The following PHF21B variants were observed in gnomAD, a reference collection of about 807,000 sequenced individuals.
The protein encoded by PHF21B is PHD finger protein 21B.
PHF21B carries 22 observed loss-of-function variants against 62.2 expected under a neutral mutation model. The observed-to-expected ratio is 0.35, with a 90% confidence interval of 0.25 to 0.51. The LOEUF (loss-of-function observed/expected upper bound fraction) is 0.51, where lower values mean the gene tolerates loss of function less well. Among genes scored for constraint, PHF21B ranks in the 20% least tolerant of loss-of-function variants. The probability of loss-of-function intolerance (pLI) is 0.97; values close to 1 mark genes in which losing one functional copy is unlikely to be tolerated. For missense variants in PHF21B, 701 were observed against 707.9 expected (o/e 0.99, Z 0.11); for synonymous variants, 341 against 314.7 (o/e 1.08, Z -0.88).
chr22:44,935,683 G>A (rs1299507666), intron 2 of PHF21B, among the ~76,000 whole-genome samples: 2 of 152,094 alleles, frequency 1.3e-5, no homozygotes, highest in African/African-American at 2.4e-5. Flanking sequence ...GAGGCCCCAA[G>A]AAACTGGCAG....
chr22:44,904,292 T>G (rs2071211592), intron 5 of PHF21B, among the ~76,000 whole-genome samples: 1 of 152,232 alleles, frequency 6.6e-6, no homozygotes, highest in African/African-American at 2.4e-5. Flanking sequence ...AAACTGGATT[T>G]TTTTTTTCAG....
intron 2 of PHF21B, among the ~76,000 whole-genome samples, chr22:45,007,057 C>T (rs1274327980): frequency 6.6e-5 from 10 of 151,710 alleles, no homozygotes; most frequent in Non-Finnish European, 1.3e-4. Context: ...CCCCCTCCGG[C>T]GGGAATGGAA....
chr22:44,913,687 C>T (rs1048569518), intron 5 of PHF21B, 135 bp downstream of exon 5: 238 of 1,303,242 alleles, frequency 1.8e-4, no homozygotes, highest in Non-Finnish European at 2.2e-4. Context: ...TCCTGGTCGC[C>T]GACTGCACAG....
intron 2 of PHF21B, among the ~76,000 whole-genome samples, chr22:44,998,471 C>G (rs1196901797): frequency 6.6e-6 from 1 of 152,188 alleles, no homozygotes; most frequent in African/African-American, 2.4e-5. Flanking sequence ...CAATTCCCAA[C>G]CCCGACCGGG....
intron 2 of PHF21B, among the ~76,000 whole-genome samples, chr22:44,969,583 T>C (rs1028569807): frequency 2.0e-5 from 3 of 152,064 alleles, no homozygotes; most frequent in Non-Finnish European, 4.4e-5. Flanking sequence ...TGAGAATCAC[T>C]TGAACCTGGG....
intron 2 of PHF21B, among the ~76,000 whole-genome samples, chr22:44,944,801 C>T (rs1033395541): frequency 5.9e-5 from 8 of 136,334 alleles, no homozygotes; most frequent in Non-Finnish European, 1.3e-4. Flanking sequence ...ACCCTTTGCC[C>T]AGCCCATCGC....
In PHF21B at chr22:44,888,773, T is replaced by A. The variant is rs1005154945; in HGVS notation, c.1039-652A>T. 2.0e-5 allele frequency among the ~76,000 whole-genome samples: 3 copies of A among 152,190 alleles called. No homozygotes were observed. The East Asian group carries it at 5.8e-4, about 29-fold the overall frequency. On this transcript the variant is annotated intron_variant, in intron 9 of 12. Coordinates refer to ENST00000313237, the MANE Select transcript of PHF21B (RefSeq NM_138415.5). ...CCTCAGAGGAGGCCTCAGAGGTCCC[T>A]GTCTCCACCCCTTGTGTCATGCAAA...
At chr22:44,949,310 G>A (rs136707) in intron 2 of PHF21B, among the ~76,000 whole-genome samples, 104,995 of 126,400 alleles carry the variant, frequency 0.83, 42,588 homozygotes, top group Non-Finnish European at 0.89. Context: ...TCAAAAAAAA[G>A]AAAAAAAAAA....
intron 2 of PHF21B, among the ~76,000 whole-genome samples, chr22:44,985,540 T>C (rs528817943): frequency 2.7e-4 from 41 of 151,948 alleles, no homozygotes; most frequent in Non-Finnish European, 4.4e-4. Flanking sequence ...GGAAGTTGCA[T>C]TGAGCCATGA....
chr22:44,902,730 T>TA (rs989305072), intron 5 of PHF21B, among the ~76,000 whole-genome samples: 3 of 152,204 alleles, frequency 2.0e-5, no homozygotes, highest in Non-Finnish European at 2.9e-5. Context: ...AAGTTTTTTT[T>TA]AAAAAATCAC....
intron 2 of PHF21B, among the ~76,000 whole-genome samples, chr22:44,992,734 T>C (rs2073060788): frequency 6.6e-6 from 1 of 152,074 alleles, no homozygotes; most frequent in Non-Finnish European, 1.5e-5. Context: ...AGAGTAGGCA[T>C]AAGAATGAGT....
intron 2 of PHF21B, among the ~76,000 whole-genome samples, chr22:44,940,717 C>A (rs968051917): frequency 6.6e-6 from 1 of 152,114 alleles, no homozygotes; most frequent in Non-Finnish European, 1.5e-5. Flanking sequence ...GCGAAGGGGC[C>A]GAAGGAAGAG....
chr22:44,953,346 C>T (rs972866893), intron 2 of PHF21B, among the ~76,000 whole-genome samples: 1 of 152,196 alleles, frequency 6.6e-6, no homozygotes, highest in Admixed American at 6.5e-5. Context: ...GTCTTTGAAG[C>T]TCCCGTGAGT....
At chr22:44,895,475 A>T (rs1427181155) in intron 6 of PHF21B, among the ~76,000 whole-genome samples, 1 of 152,188 alleles carries the variant, frequency 6.6e-6, no homozygotes. Flanking sequence ...GGTGGCACAC[A>T]TGAAGTCCGC....
chr22:44,937,044 T>C (rs1268033414), intron 2 of PHF21B, among the ~76,000 whole-genome samples: 3 of 152,062 alleles, frequency 2.0e-5, no homozygotes, highest in African/African-American at 4.8e-5. Flanking sequence ...TTTTGTATTT[T>C]TAGTAGAGGT....
chr22:44,907,046 G>A (rs546133658), intron 5 of PHF21B, among the ~76,000 whole-genome samples: 89 of 152,308 alleles, frequency 5.8e-4, no homozygotes, highest in Non-Finnish European at 1.1e-3. Context: ...TACATGTCAC[G>A]CGTTTTAGAG....
chr22:44,919,658 G>A (rs754165769), intron 3 of PHF21B, among the ~76,000 whole-genome samples: 4 of 152,228 alleles, frequency 2.6e-5, no homozygotes, highest in Non-Finnish European at 5.9e-5. Flanking sequence ...GGCAGCCTCT[G>A]GCCCAGTATG....
rs2071047886 is a variant in PHF21B at position 44,895,897 on chromosome 22, A to G, written c.883+135T>C. Reference sequence around the variant, plus strand: ...GCCGGGACATCCTGAGACCCACTGCAGCAGTGTGAGGCCACGCTCCACCCA... The same window carrying G: ...GCCGGGACATCCTGAGACCCACTGCGGCAGTGTGAGGCCACGCTCCACCCA... On this transcript the variant is annotated intron_variant, in intron 6 of 12. Coordinates refer to ENST00000313237, the MANE Select transcript of PHF21B (RefSeq NM_138415.5). 4.3e-6 allele frequency: 4 copies of G among 925,760 alleles called. No individual in the cohort carries two copies. The South Asian group carries it at 5.3e-5, about 12-fold the overall frequency. The allele number at this position is 925,760 out of a possible 1,614,324, so 57.3% of individuals were successfully genotyped here.
intron 2 of PHF21B, among the ~76,000 whole-genome samples, chr22:44,949,464 T>C (rs1266899362): frequency 6.6e-6 from 1 of 152,156 alleles, no homozygotes; most frequent in Non-Finnish European, 1.5e-5. Context: ...ATAATTCCAA[T>C]TTGGCTTTGA....
Sources: gnomAD v4.1 joint callset for allele counts (sites outside exome capture counted in the v4.1 genomes callset) on GRCh38, gnomAD v4.1.1 for gene constraint, MANE v1.5 for transcripts, NCBI Gene and HGNC (gene_info 2026-07-23, HGNC 2026-07-21) for gene names.